MACROD2: variants seen among roughly 807,000 people sequenced by gnomAD.
MACROD2 encodes the protein mono-ADP ribosylhydrolase 2.
In MACROD2, 36 loss-of-function variants were observed where a neutral mutation model predicts 70.4. The ratio of observed to expected loss-of-function variants is 0.51; its 90% CI spans 0.39 to 0.68. The LOEUF (loss-of-function observed/expected upper bound fraction) is 0.68, where lower values mean the gene tolerates loss of function less well. Ranked by LOEUF, MACROD2 falls within the 30% of genes least tolerant of loss-of-function variation. The pLI, the probability that MACROD2 is intolerant of heterozygous loss-of-function variation, is 0.00. For synonymous variants in MACROD2, 172 were observed against 178.8 expected, an observed-to-expected ratio of 0.96 and a Z score of 0.30; for missense variants, 496 against 538.4, an observed-to-expected ratio of 0.92 and a Z score of 0.78.
At chr20:14,674,974 C>G (rs2070841810) in intron 4 of MACROD2, among the ~76,000 whole-genome samples, 1 of 152,176 alleles carries the variant, frequency 6.6e-6, no homozygotes, top group African/African-American at 2.4e-5. Flanking sequence ...ACTCCAAAAT[C>G]TCCCTGTGAA....
chr20:15,257,407 A>G (rs1355260418), intron 6 of MACROD2, among the ~76,000 whole-genome samples: 2 of 152,092 alleles, frequency 1.3e-5, no homozygotes, highest in African/African-American at 4.8e-5. Context: ...AGAACCTATC[A>G]AGTGCTAGGC....
At chr20:14,325,542 G>GT (rs1568556900) in intron 3 of MACROD2, 1 of 1,595,280 alleles carries the variant, frequency 6.3e-7, no homozygotes, top group Admixed American at 1.7e-5. Flanking sequence ...CAAGTCTGCT[G>GT]TGAGTCCTTC....
At chr20:15,162,742 G>A (rs1438910672) in intron 5 of MACROD2, among the ~76,000 whole-genome samples, 1 of 152,054 alleles carries the variant, frequency 6.6e-6, no homozygotes, top group East Asian at 1.9e-4. Context: ...TTAAGAGCAA[G>A]AATAAAATAG....
chr20:14,863,086 A>T (rs2073390047), intron 5 of MACROD2, among the ~76,000 whole-genome samples: 1 of 152,040 alleles, frequency 6.6e-6, no homozygotes, highest in Non-Finnish European at 1.5e-5. Flanking sequence ...TTGGCTTCAA[A>T]TGAGATCAGT....
chr20:14,705,248 G>C lies in MACROD2; in HGVS notation c.418+20289G>C, dbSNP rs185716116. ...TCCTTTGAGCTACATCTCTCCGTTC[G>C]TCTCACCTACATTCATGTTCGTACT... On this transcript the variant is annotated intron_variant, in intron 5 of 17. Coordinates refer to ENST00000684519, the MANE Select transcript of MACROD2 (RefSeq NM_001351661.2). Among the ~76,000 whole-genome samples the C allele has an allele frequency of 1.4e-4, 21 of 151,770 alleles. No homozygotes were observed. In the East Asian group the frequency reaches 4.1e-3, roughly 29 times the overall value.
chr20:14,741,578 A>G (rs967023783), intron 5 of MACROD2, among the ~76,000 whole-genome samples: 1 of 152,170 alleles, frequency 6.6e-6, no homozygotes, highest in Non-Finnish European at 1.5e-5. Flanking sequence ...CAATCCTGAC[A>G]TTATGTAAGA....
chr20:14,671,431 AT>A lies in MACROD2; in HGVS notation c.302-13404del, dbSNP rs982001948. Among the ~76,000 whole-genome samples, 6 of 151,862 alleles carry A rather than the reference AT, an allele frequency of 4.0e-5. No individual in the cohort carries two copies. The East Asian group carries it at 1.2e-3, about 29-fold the overall frequency. On this transcript the variant is annotated intron_variant, in intron 4 of 17. Transcript: ENST00000684519. ...TCTACTGTAAACATTTATGAGAAAC[AT>A]TTTTTTTCTCATTTGCTATTTCAAG...
At chr20:14,940,148 C>CA (rs57697517) in intron 5 of MACROD2, among the ~76,000 whole-genome samples, 9,830 of 54,536 alleles carry the variant, frequency 0.18, 1,343 homozygotes, top group East Asian at 0.31. Context: ...CTCATCTCTG[C>CA]AAAAAAAAAA....
At chr20:14,295,416 T>G (rs1176904842) in intron 3 of MACROD2, among the ~76,000 whole-genome samples, 2 of 151,894 alleles carry the variant, frequency 1.3e-5, no homozygotes, top group Non-Finnish European at 2.9e-5. Context: ...TTGTCCCAGC[T>G]TCCTCTCTGA....
intron 6 of MACROD2, among the ~76,000 whole-genome samples, chr20:15,268,973 G>A (rs1342326901): frequency 6.6e-6 from 1 of 152,296 alleles, no homozygotes. Flanking sequence ...TCTCAAAAGA[G>A]GAATGCCATC....
intron 3 of MACROD2, among the ~76,000 whole-genome samples, chr20:14,228,634 A>G (rs1338173712): frequency 6.6e-6 from 1 of 152,222 alleles, no homozygotes; most frequent in African/African-American, 2.4e-5. Flanking sequence ...TATCCATGAA[A>G]ATGATGTAAA....
chr20:14,981,021 A>AGTGTGT (rs11468972), intron 5 of MACROD2, among the ~76,000 whole-genome samples: 1,637 of 143,728 alleles, frequency 0.011, 28 homozygotes, highest in African/African-American at 0.039. Context: ...TACAAAAAGA[A>AGTGTGT]GTGTGTGTGT....
rs545721256 is a variant in MACROD2, at chr20:14,649,318, C to T, written c.302-35525C>T. Among the ~76,000 whole-genome samples, 244 of 152,204 alleles carry T rather than the reference C, an allele frequency of 1.6e-3. 1 individual carries two copies. Among genetic ancestry groups the T allele is most frequent in the African/African-American group, 5.6e-3 (231 of 41,526 alleles). On this transcript the variant is annotated intron_variant, in intron 4 of 17. Transcript: ENST00000684519. ...CTAGTGAAACTAGTCTCAAAGATGGCATAGTCAATTTCCTCAGATATAGAC... is the reference window on the plus strand; with the variant it reads ...CTAGTGAAACTAGTCTCAAAGATGGTATAGTCAATTTCCTCAGATATAGAC...
At chr20:15,869,238 T>TATATATATATATATATATAGAGAG in intron 9 of MACROD2, among the ~76,000 whole-genome samples, 7 of 28,290 alleles carry the variant, frequency 2.5e-4, no homozygotes, top group East Asian at 9.4e-4. Context: ...TATATATATA[T>TATATATATATATATATATAGAGAG]AGAGAGAGAG....
intron 4 of MACROD2, among the ~76,000 whole-genome samples, chr20:14,680,419 G>A (rs1002709699): frequency 2.6e-5 from 4 of 152,098 alleles, no homozygotes; most frequent in Admixed American, 1.3e-4. Flanking sequence ...AGGGCTATGC[G>A]GTAGGAGTAA....
intron 3 of MACROD2, among the ~76,000 whole-genome samples, chr20:14,359,092 G>A (rs1319288772): frequency 6.6e-6 from 1 of 152,090 alleles, no homozygotes; most frequent in Non-Finnish European, 1.5e-5. Context: ...GCAGGTTGGG[G>A]TGAGAGGATC....
At chr20:14,697,322 C>T (rs2071138533) in intron 5 of MACROD2, among the ~76,000 whole-genome samples, 1 of 152,182 alleles carries the variant, frequency 6.6e-6, no homozygotes, top group African/African-American at 2.4e-5. Context: ...AGAAACCCCA[C>T]ATCAAAATAT....
intron 5 of MACROD2, among the ~76,000 whole-genome samples, chr20:15,132,783 A>AGTAAT (rs976772593): frequency 1.1e-3 from 167 of 152,188 alleles, no homozygotes; most frequent in African/African-American, 3.9e-3. Flanking sequence ...GAAAAAGAAA[A>AGTAAT]GTAATGAGGG....
intron 8 of MACROD2, among the ~76,000 whole-genome samples, chr20:15,565,742 C>T (rs189944432): frequency 7.7e-4 from 117 of 152,218 alleles, no homozygotes; most frequent in African/African-American, 2.5e-3. Context: ...CAGCCTCCCA[C>T]GTGGCTAATT....
Sources: gnomAD v4.1 joint callset for allele counts (sites outside exome capture counted in the v4.1 genomes callset) on GRCh38, gnomAD v4.1.1 for gene constraint, MANE v1.5 for transcripts, NCBI Gene and HGNC (gene_info 2026-07-23, HGNC 2026-07-21) for gene names.